Variants in DIS3L2 observed in about 807,000 individuals in gnomAD.
DIS3L2 encodes the protein DIS3 like 3'-5' exoribonuclease 2, also known as DIS3-like exonuclease 2.
Under a neutral mutation model 97.5 loss-of-function variants are expected in DIS3L2, and 34 were observed. The observed-to-expected ratio is 0.35, with a 90% CI of 0.27 to 0.46. DIS3L2 has a LOEUF of 0.46. Ranked by LOEUF, DIS3L2 falls within the 20% of genes least tolerant of loss-of-function variation. The pLI is 1.00. For synonymous variants in DIS3L2, 435 were observed against 445.2 expected (o/e 0.98, Z 0.29); for missense variants, 1,038 against 1,146.0 (o/e 0.91, Z 1.36).
chr2:232,270,860 G>T (rs1412031838), intron 13 of DIS3L2, among the ~76,000 whole-genome samples: 1 of 103,818 alleles, frequency 9.6e-6, no homozygotes, highest in Non-Finnish European at 2.0e-5. Flanking sequence ...TCTTTTTCTC[G>T]TCTCTCTCTC....
chr2:231,973,600 A>T (rs932382661), intron 1 of DIS3L2, among the ~76,000 whole-genome samples: 4 of 152,194 alleles, frequency 2.6e-5, no homozygotes, highest in African/African-American at 9.6e-5. Flanking sequence ...TGTGTTGCCC[A>T]GGCTGGTTTT....
intron 16 of DIS3L2, among the ~76,000 whole-genome samples, chr2:232,333,083 A>G (rs1695795166): frequency 6.8e-6 from 1 of 147,674 alleles, no homozygotes; most frequent in Admixed American, 6.8e-5. Flanking sequence ...ACAAAACCGC[A>G]GGCGGCCTCC....
At chr2:232,050,683 T>A (rs1018119930) in intron 5 of DIS3L2, among the ~76,000 whole-genome samples, 1 of 152,230 alleles carries the variant, frequency 6.6e-6, no homozygotes, top group South Asian at 2.1e-4. Context: ...ACACTTTTAT[T>A]TGGAGGATTT....
Position 232,336,967 on chromosome 2 carries a change from G to C in DIS3L2, c.*337G>C, listed in dbSNP as rs1695978458. 8.6e-7 allele frequency: 1 copy of C among 1,158,566 alleles called. No individual in the cohort carries two copies. Among genetic ancestry groups the C allele is most frequent in the Non-Finnish European group, 1.1e-6 (1 of 934,186 alleles). 71.8% of individuals were successfully genotyped at this position (1,158,566 alleles called of 1,614,324 possible). On this transcript the variant is annotated 3_prime_UTR_variant, in exon 21 of 21. Transcript: ENST00000325385. ...TCAGTGTCACAGAATAAAATCAAGT[G>C]TGGAGTGCCATCTGGTGTGTAGGGC...
At position 232,336,705 on chromosome 2, in the gene DIS3L2, AG is replaced by A. The variant is rs761041505; in HGVS notation, c.*81del. The A allele has an allele frequency of 3.6e-5, 55 of 1,523,442 alleles. No individual in the cohort carries two copies. The highest frequency in any genetic ancestry group is 4.5e-5 in the Non-Finnish European group (52 of 1,146,754). 94.4% of individuals were successfully genotyped at this position (1,523,442 alleles called of 1,614,324 possible). A position where few individuals can be genotyped will look rare whatever the true frequency, so the allele number is the denominator to read the frequency against. On this transcript the variant is annotated 3_prime_UTR_variant, in exon 21 of 21. Coordinates refer to ENST00000325385, the MANE Select transcript of DIS3L2 (RefSeq NM_152383.5). ...CTGGCTTTAGGACCTGTTGACACGG[AG>A]GGGGGTTTTTAATTTGGTTTTTAAC...
intron 9 of DIS3L2, among the ~76,000 whole-genome samples, chr2:232,177,377 C>T (rs1386071451): frequency 7.4e-5 from 9 of 120,872 alleles, no homozygotes; most frequent in South Asian, 3.2e-4. Flanking sequence ...CCTGAGGAAT[C>T]GCCACACTGA....
chr2:232,212,794 G>A (rs1431827517), intron 10 of DIS3L2, among the ~76,000 whole-genome samples: 3 of 152,052 alleles, frequency 2.0e-5, no homozygotes, highest in African/African-American at 4.8e-5. Flanking sequence ...AAAATCAATA[G>A]GGGGGGTTGG....
chr2:232,140,708 G>T (rs1343782586), intron 8 of DIS3L2, among the ~76,000 whole-genome samples: 1 of 152,200 alleles, frequency 6.6e-6, no homozygotes, highest in Non-Finnish European at 1.5e-5. Flanking sequence ...CCTCCCCTTT[G>T]CTGTAAGCAT....
At chr2:232,110,903 G>T (rs1254352173) in intron 6 of DIS3L2, among the ~76,000 whole-genome samples, 1 of 151,226 alleles carries the variant, frequency 6.6e-6, no homozygotes. Context: ...AAAAAAAAAA[G>T]AAAATGGTAA....
At chr2:232,003,641 G>C (rs1471991327) in intron 1 of DIS3L2, among the ~76,000 whole-genome samples, 1 of 152,130 alleles carries the variant, frequency 6.6e-6, no homozygotes, top group Admixed American at 6.6e-5. Context: ...TGCTGCTGGT[G>C]ATGGGTTTTC....
At chr2:232,189,753 G>A (rs910698853) in intron 9 of DIS3L2, among the ~76,000 whole-genome samples, 1 of 152,112 alleles carries the variant, frequency 6.6e-6, no homozygotes, top group Non-Finnish European at 1.5e-5. Context: ...ATTGGTGCAT[G>A]GTATCAGTGT....
chr2:232,034,209 G>GTC (rs1694890123), intron 5 of DIS3L2, among the ~76,000 whole-genome samples: 1 of 149,580 alleles, frequency 6.7e-6, no homozygotes, highest in Non-Finnish European at 1.5e-5. Flanking sequence ...AGGGTGTTTG[G>GTC]GAAGAATTTA....
At chr2:232,072,806 G>GTGTGTA (rs1696066408) in intron 5 of DIS3L2, among the ~76,000 whole-genome samples, 1 of 151,402 alleles carries the variant, frequency 6.6e-6, no homozygotes, top group Admixed American at 6.6e-5. Context: ...GTGTGTGTGT[G>GTGTGTA]TGTGTGTGTG....
intron 14 of DIS3L2, among the ~76,000 whole-genome samples, chr2:232,324,618 C>T (rs1051698741): frequency 1.3e-5 from 2 of 152,120 alleles, no homozygotes; most frequent in African/African-American, 4.8e-5. Flanking sequence ...AATGGGACAC[C>T]TCTGGCCTCC....
intron 14 of DIS3L2, among the ~76,000 whole-genome samples, chr2:232,302,199 G>A (rs1686918962): frequency 6.6e-6 from 1 of 151,952 alleles, no homozygotes; most frequent in Admixed American, 6.6e-5. Flanking sequence ...AGAACACTTG[G>A]ACACAGGAAG....
At chr2:232,105,485 G>A (rs1697333895) in intron 6 of DIS3L2, among the ~76,000 whole-genome samples, 1 of 152,022 alleles carries the variant, frequency 6.6e-6, no homozygotes, top group Non-Finnish European at 1.5e-5. Flanking sequence ...TCTTTTTCAG[G>A]CTTTTCCTTT....
Position 232,269,022 on chromosome 2 carries a change from A to G in DIS3L2, c.1659+5582A>G, listed in dbSNP as rs889850648. 2.6e-5 allele frequency among the ~76,000 whole-genome samples: 4 copies of G among 152,204 alleles called. No homozygotes were observed. Among genetic ancestry groups the G allele is most frequent in the Non-Finnish European group, 4.4e-5 (3 of 68,036 alleles). ...GCTTTAATTAGCCTGAAGCAAAAGG[A>G]GCAGGGGTTCTCATTTCCCACTTCT... On this transcript the variant is annotated intron_variant, in intron 13 of 20. Coordinates refer to ENST00000325385, the MANE Select transcript of DIS3L2 (RefSeq NM_152383.5). The surrounding 1 kb of genome is among the most constrained non-coding windows in gnomAD (Gnocchi z 4.5).
intron 9 of DIS3L2, among the ~76,000 whole-genome samples, chr2:232,165,174 A>G (rs1364715444): frequency 6.6e-6 from 1 of 152,262 alleles, no homozygotes; most frequent in Non-Finnish European, 1.5e-5. Flanking sequence ...ATGGTTTAGT[A>G]ACCTGTGTTA....
intron 13 of DIS3L2, among the ~76,000 whole-genome samples, chr2:232,270,902 CTCTCTCTCTCTCT>C (rs1693985794): frequency 1.5e-5 from 2 of 137,094 alleles, no homozygotes; most frequent in South Asian, 2.2e-4. Context: ...CTCTCTCTCT[CTCTCTCTCTCTCT>C]GTCTCGTCTC....
Sources: gnomAD v4.1 joint callset for allele counts (sites outside exome capture counted in the v4.1 genomes callset) on GRCh38, gnomAD v4.1.1 for gene constraint, Gnocchi (gnomAD v3.1) non-coding constraint, MANE v1.5 for transcripts, NCBI Gene and HGNC (gene_info 2026-07-23, HGNC 2026-07-21) for gene names.